IGSF10: variants seen among roughly 807,000 people sequenced by gnomAD.
IGSF10 encodes the protein calvaria mechanical force protein 608.
In IGSF10, 126 loss-of-function variants were observed where a neutral mutation model predicts 128.2. The ratio of observed to expected loss-of-function variants is 0.98; its 90% CI spans 0.85 to 1.14. The LOEUF is 1.14. IGSF10 is among the 50% of genes most tolerant of loss of function. The probability of loss-of-function intolerance (pLI) is 0.00; values close to 1 mark genes in which losing one functional copy is unlikely to be tolerated. For synonymous variants in IGSF10, 1,185 were observed against 1,146.2 expected, an observed-to-expected ratio of 1.03 and a Z score of -0.68; for missense variants, 3,295 against 3,149.8, an observed-to-expected ratio of 1.05 and a Z score of -1.10.
At chr3:151,506,567 G>A in the IGSF10 span, among the ~76,000 whole-genome samples, 14 of 151,960 alleles carry the variant, frequency 9.2e-5, no homozygotes, top group Non-Finnish European at 1.6e-4. Context: ...TTTTGTTTAA[G>A]GTGCTTTTCT....
Position 151,446,788 on chromosome 3 carries a change from A to G in IGSF10, c.3193T>C (p.Ser1065Pro), listed in dbSNP as rs762582545. 1.2e-5 allele frequency: 20 copies of G among 1,614,030 alleles called. No homozygotes were observed. The highest frequency in any genetic ancestry group is 1.5e-5 in the Non-Finnish European group (18 of 1,180,010). ...SATVLNVTCL[S>P]CLPRERLTTA... ...GTGAGCCTCTCCCTGGGAAGACAGGACAGACATGTCACATTGAGCACTGTG... is the reference window on the plus strand; with the variant it reads ...GTGAGCCTCTCCCTGGGAAGACAGGGCAGACATGTCACATTGAGCACTGTG... The change falls in exon 6 of 8, where the codon TCC becomes CCC. Residue 1065 changes from serine (S) to proline (P), a missense_variant. By Grantham distance (74) the Ser-to-Pro change is moderately conservative. Coordinates refer to ENST00000282466, the MANE Select transcript of IGSF10 (RefSeq NM_178822.5).
chr3:151,566,525 T>A, the IGSF10 span, among the ~76,000 whole-genome samples: 5 of 152,172 alleles, frequency 3.3e-5, no homozygotes, highest in South Asian at 1.0e-3. Context: ...CCCAGGCTGA[T>A]AGAATAGTCG....
chr3:151,452,678 T>C (rs956091903), intron 5 of IGSF10, among the ~76,000 whole-genome samples: 1 of 151,998 alleles, frequency 6.6e-6, no homozygotes, highest in Non-Finnish European at 1.5e-5. Flanking sequence ...TTGGGACATA[T>C]TGAAACCACA....
At chr3:151,599,221 T>TAGAG in the IGSF10 span, among the ~76,000 whole-genome samples, 2 of 151,864 alleles carry the variant, frequency 1.3e-5, no homozygotes, top group Non-Finnish European at 2.9e-5. Context: ...AAGAAGTTGT[T>TAGAG]CAGAGTTGTT....
chr3:151,449,603 GTTTGTC>G (rs1721415553), intron 5 of IGSF10, among the ~76,000 whole-genome samples: 1 of 152,204 alleles, frequency 6.6e-6, no homozygotes. Flanking sequence ...ATATGCTCAT[GTTTGTC>G]AGTTTTTATT....
At chr3:151,617,360 TCTC>T in the IGSF10 span, among the ~76,000 whole-genome samples, 2 of 137,148 alleles carry the variant, frequency 1.5e-5, no homozygotes, top group East Asian at 2.4e-4. Context: ...TCCTCCTCCT[TCTC>T]CTTCTTCTCC....
At chr3:151,570,917 T>G in the IGSF10 span, among the ~76,000 whole-genome samples, 1 of 152,174 alleles carries the variant, frequency 6.6e-6, no homozygotes, top group African/African-American at 2.4e-5. Context: ...TTGTATAAGG[T>G]GTAAGGAAGG....
At chr3:151,509,686 C>A in the IGSF10 span, among the ~76,000 whole-genome samples, 1 of 152,234 alleles carries the variant, frequency 6.6e-6, no homozygotes, top group African/African-American at 2.4e-5. Flanking sequence ...GGCATCGCCT[C>A]ACCCGGGAAG....
intron 2 of IGSF10, among the ~76,000 whole-genome samples, 182 bp downstream of exon 2, chr3:151,460,076 AGAT>A (rs1460073400): frequency 5.3e-5 from 8 of 152,248 alleles, no homozygotes; most frequent in Admixed American, 2.6e-4. Flanking sequence ...CCTTATCATT[AGAT>A]AAACAAAGGA....
chr3:151,469,059 A>G, the IGSF10 span, among the ~76,000 whole-genome samples: 1 of 152,204 alleles, frequency 6.6e-6, no homozygotes, highest in Non-Finnish European at 1.5e-5. Flanking sequence ...CCTGCAAAGG[A>G]TATGATTTCA....
At chr3:151,479,175 C>G in the IGSF10 span, among the ~76,000 whole-genome samples, 2 of 152,030 alleles carry the variant, frequency 1.3e-5, no homozygotes, top group African/African-American at 2.4e-5. Context: ...CAAAGATCAA[C>G]GTTTTTGTCC....
At position 151,449,239 on chromosome 3, in the gene IGSF10, TTCTA is replaced by T; in HGVS notation, c.738_741del (p.Asp246GlufsTer13). On this transcript the variant is annotated frameshift_variant, in exon 6 of 8. Transcript: ENST00000282466. LOFTEE classifies it high-confidence loss of function. ...GGACACTGCTGAGCACTAGAGGGAC[TTCTA>T]TCTTTTTTGCATTTTATTACATCTG... The T allele has an allele frequency of 7.6e-6, 12 of 1,580,020 alleles. No homozygotes were observed. Among genetic ancestry groups the T allele is most frequent in the Non-Finnish European group, 1.0e-5 (12 of 1,164,830 alleles).
rs761343862 is a variant in IGSF10 at position 151,446,086 on chromosome 3, G to A, written c.3895C>T (p.Pro1299Ser). ...CTTGAGTCTTTGCTTATAATACTAG[G>A]AAGCATAGGGTTAAGGGGTGGGAAG... Reference protein sequence around the residue: ...LPFPPLNPMLPSIISKDSSTK... With the variant: ...LPFPPLNPMLSSIISKDSSTK... Residue 1299 changes from proline (P) to serine (S), a missense_variant, in exon 6 of 8, where the codon CCT becomes TCT. Coordinates refer to ENST00000282466, the MANE Select transcript of IGSF10 (RefSeq NM_178822.5). 9 of 1,613,992 alleles carry A rather than the reference G, an allele frequency of 5.6e-6. No homozygotes were observed. The African/African-American group carries it at 6.7e-5, about 12-fold the overall frequency.
the IGSF10 span, among the ~76,000 whole-genome samples, chr3:151,553,728 C>A: frequency 6.6e-6 from 1 of 151,330 alleles, no homozygotes; most frequent in African/African-American, 2.4e-5. Flanking sequence ...TAAAGCAAAC[C>A]AAAAACAATG....
intron 5 of IGSF10, among the ~76,000 whole-genome samples, chr3:151,450,213 T>C (rs1307084948): frequency 2.0e-5 from 3 of 152,242 alleles, no homozygotes; most frequent in African/African-American, 7.2e-5. Context: ...GGTGAGCCTA[T>C]TTAAAATGGC....
Position 151,449,260 on chromosome 3 carries a change from T to C in IGSF10, c.721A>G (p.Ile241Val). 6.4e-7 allele frequency: 1 copy of C among 1,566,508 alleles called. No individual in the cohort carries two copies. Reference protein sequence around the residue: ...SDWIQEKPDVIKCKKDRSPSS... With the variant: ...SDWIQEKPDVVKCKKDRSPSS... ...GGACTTCTATCTTTTTTGCATTTTA[T>C]TACATCTGGAAAAAAATCACAATTG... The change falls in exon 6 of 8, where the codon ATA becomes GTA. Residue 241 changes from isoleucine (I) to valine (V), a missense_variant. Coordinates refer to ENST00000282466, the MANE Select transcript of IGSF10 (RefSeq NM_178822.5).
the IGSF10 span, among the ~76,000 whole-genome samples, chr3:151,553,620 G>GTC: frequency 1.4e-5 from 2 of 145,222 alleles, no homozygotes; most frequent in African/African-American, 2.5e-5. Context: ...CTGTGTCTCT[G>GTC]TCTCTCTCTC....
the IGSF10 span, among the ~76,000 whole-genome samples, chr3:151,583,012 G>A: frequency 1.3e-5 from 2 of 152,036 alleles, no homozygotes; most frequent in African/African-American, 4.8e-5. Flanking sequence ...GGTCTTGCAT[G>A]TTATCAGTTT....
At chr3:151,452,813 T>C (rs1721571512) in intron 5 of IGSF10, among the ~76,000 whole-genome samples, 2 of 151,746 alleles carry the variant, frequency 1.3e-5, no homozygotes, top group Admixed American at 1.3e-4. Flanking sequence ...GTTATTCTGA[T>C]GGAGATGGGG....
Sources: allele counts gnomAD v4.1 joint callset (sites outside exome capture counted in the v4.1 genomes callset), GRCh38; gene constraint gnomAD v4.1.1; transcripts MANE v1.5; gene names NCBI Gene and HGNC (gene_info 2026-07-23, HGNC 2026-07-21).